The following HHIPL2 variants were observed in gnomAD, a reference collection of about 807,000 sequenced individuals.
HHIPL2 encodes HHIP like 2.
In HHIPL2, 61 loss-of-function variants were observed where a neutral mutation model predicts 61.0. That is an observed-to-expected ratio of 1.00 (90% CI 0.81 to 1.24). The LOEUF is 1.24. HHIPL2 is among the 50% of genes most tolerant of loss of function. HHIPL2 has a pLI of 0.00. For missense variants in HHIPL2, 885 were observed against 910.2 expected (o/e 0.97, Z 0.36); for synonymous variants, 343 against 357.4 (o/e 0.96, Z 0.45).
chr1:222,534,699 G>T (rs1248402224), intron 5 of HHIPL2, among the ~76,000 whole-genome samples: 2 of 113,772 alleles, frequency 1.8e-5, no homozygotes, highest in Admixed American at 1.7e-4. Flanking sequence ...CACACTCAAT[G>T]GAATGAATGG....
At chr1:222,529,016 T>C (rs12042675) in intron 6 of HHIPL2, among the ~76,000 whole-genome samples, 67,257 of 151,542 alleles carry the variant, frequency 0.44, 16,143 homozygotes, top group African/African-American at 0.64. Flanking sequence ...GAGACGGGGT[T>C]TCCCTATGTT....
At chr1:222,528,282 C>T (rs559548862) in intron 6 of HHIPL2, among the ~76,000 whole-genome samples, 65 of 152,282 alleles carry the variant, frequency 4.3e-4, no homozygotes, top group African/African-American at 1.5e-3. Context: ...CACAATGCCT[C>T]AAGTGATTGT....
rs1246937215 is a variant in HHIPL2, at chr1:222,547,948, A to G, written c.97T>C (p.Leu33=). The change falls in exon 1 of 9, where the codon TTG becomes CTG. Residue 33 remains leucine (L), a synonymous_variant. Transcript: ENST00000343410. Reference sequence around the variant, plus strand: ...CCCTGCAGCAAGCCCACCTGGCCCAACAAGAATATGAGGCAGAGGCAGAGA... The same window carrying G: ...CCCTGCAGCAAGCCCACCTGGCCCAGCAAGAATATGAGGCAGAGGCAGAGA... The part of the protein sequence containing the change: ...GILCLCLIFL[L]GQVGLLQGHP... 2.5e-6 allele frequency: 4 copies of G among 1,612,962 alleles called. 1 individual carries two copies. The highest frequency in any genetic ancestry group is 3.4e-6 in the Non-Finnish European group (4 of 1,179,188).
chr1:222,547,102 T>C (rs1172087475), intron 1 of HHIPL2, among the ~76,000 whole-genome samples: 1 of 152,212 alleles, frequency 6.6e-6, no homozygotes, highest in African/African-American at 2.4e-5. Context: ...AAACGATGCC[T>C]CCCAGGCATG....
At chr1:222,539,902 G>T in intron 4 of HHIPL2, 108 bp downstream of exon 4, 1 of 895,324 alleles carries the variant, frequency 1.1e-6, no homozygotes, top group Non-Finnish European at 1.7e-6. Context: ...CACAAACAAG[G>T]CGTGATTTAA....
chr1:222,544,837 G>A (rs17509914), intron 1 of HHIPL2, among the ~76,000 whole-genome samples: 88,363 of 152,092 alleles, frequency 0.58, 25,990 homozygotes, highest in East Asian at 0.66. Context: ...GAAAAATAAA[G>A]TTATCAGAAT....
chr1:222,541,318 C>T (rs1231862723), intron 3 of HHIPL2, among the ~76,000 whole-genome samples: 1 of 152,188 alleles, frequency 6.6e-6, no homozygotes, highest in Non-Finnish European at 1.5e-5. Context: ...GACAGCATCA[C>T]TGGGCTCTGG....
chr1:222,525,544 A>G (rs1659045245), intron 7 of HHIPL2, among the ~76,000 whole-genome samples: 2 of 152,168 alleles, frequency 1.3e-5, no homozygotes, highest in Non-Finnish European at 2.9e-5. Flanking sequence ...GGCCCCCCCA[A>G]GCCCTAACCA....
chr1:222,534,986 C>CT (rs2102615744), intron 5 of HHIPL2, among the ~76,000 whole-genome samples: 1 of 152,136 alleles, frequency 6.6e-6, no homozygotes, highest in Non-Finnish European at 1.5e-5. Context: ...GCAAAAAACT[C>CT]TAAGCACAGA....
chr1:222,532,341 C>G (rs1477750015), intron 5 of HHIPL2, among the ~76,000 whole-genome samples: 1 of 152,152 alleles, frequency 6.6e-6, no homozygotes, highest in African/African-American at 2.4e-5. Context: ...GGACGAGGCC[C>G]AGTGGCTCAC....
rs1169883525 is a variant in HHIPL2 at position 222,537,133 on chromosome 1, G to C, written c.1577+1515C>G. Among the ~76,000 whole-genome samples, 40 of 151,936 alleles carry C rather than the reference G, an allele frequency of 2.6e-4. 1 individual carries two copies. The highest frequency in any genetic ancestry group is 2.6e-3 in the Admixed American group (39 of 15,258). ...TCTAGCAATTTTTAAATCAATCAAT[G>C]AAATTCACCATATTAAGAAACTAAA... is the stretch of plus-strand genomic sequence containing the variant. On this transcript the variant is annotated intron_variant, in intron 5 of 8. Coordinates refer to ENST00000343410, the MANE Select transcript of HHIPL2 (RefSeq NM_024746.4).
intron 5 of HHIPL2, among the ~76,000 whole-genome samples, chr1:222,534,101 A>C (rs1659248578): frequency 6.6e-6 from 1 of 152,254 alleles, no homozygotes; most frequent in Non-Finnish European, 1.5e-5. Flanking sequence ...CACTAGAAAA[A>C]GCACTACCTT....
rs1487506727 is a variant in HHIPL2 at position 222,523,659 on chromosome 1, A to G, written c.1841T>C (p.Val614Ala). Residue 614 changes from valine to alanine, a missense_variant, in exon 8 of 9, where the codon GTG becomes GCG. Physicochemically the swap from Val to Ala is moderately conservative, Grantham distance 64. Transcript: ENST00000343410. ...APPGKCKYKP[V>A]PVRTKSKRIP... The stretch of plus-strand genomic sequence containing the variant: ...CCGCTTACTCTTGGTTCTCACGGGC[A>G]CTGGCTTGTATTTGCACTTGCCTGG... The G allele has an allele frequency of 2.5e-6, 4 of 1,614,084 alleles. No homozygotes were observed. The highest frequency in any genetic ancestry group is 3.4e-6 in the Non-Finnish European group (4 of 1,180,042).
rs1458286910 is a variant in HHIPL2 at position 222,522,761 on chromosome 1, G to A, written c.2015C>T (p.Pro672Leu). ...EKGSSKKLASPTSSKNTLRGP... is the reference protein window; with the variant it reads ...EKGSSKKLASLTSSKNTLRGP... ...TCGCAATGTATTCTTGCTGCTTGTAGGAGAAGCCAGCTTCTTGGAGGAGCC... is the reference window on the plus strand; with the variant it reads ...TCGCAATGTATTCTTGCTGCTTGTAAGAGAAGCCAGCTTCTTGGAGGAGCC... The change falls in exon 9 of 9, where the codon CCT becomes CTT. Residue 672 changes from proline (P) to leucine (L), a missense_variant. By Grantham distance (98) the Pro-to-Leu change is moderately conservative (BLOSUM62 -3). Transcript: ENST00000343410. The A allele has an allele frequency of 1.9e-6, 3 of 1,614,016 alleles. No homozygotes were observed. Among genetic ancestry groups the A allele is most frequent in the Admixed American group, 1.7e-5 (1 of 59,998 alleles).
At chr1:222,524,353 C>G (rs1042111348) in intron 7 of HHIPL2, 3 of 152,284 alleles carry the variant, frequency 2.0e-5, no homozygotes, top group Non-Finnish European at 4.4e-5. Context: ...CTGCCTCTGC[C>G]TTGCTCCAAC....
chr1:222,540,244 C>T lies in HHIPL2; in HGVS notation c.1216G>A (p.Glu406Lys). ...RVPSDNPFVS[E>K]PGAHPAIYAY... ...TAGATGGCGGGGTGGGCCCCTGGCTCAGAAACAAATGGATTGTCCGAGGGG... is the reference window on the plus strand; with the variant it reads ...TAGATGGCGGGGTGGGCCCCTGGCTTAGAAACAAATGGATTGTCCGAGGGG... The change falls in exon 4 of 9, where the codon GAG becomes AAG. Residue 406 changes from glutamate to lysine, a missense_variant. Physicochemically the swap from Glu to Lys is moderately conservative, Grantham distance 56. Coordinates refer to ENST00000343410, the MANE Select transcript of HHIPL2 (RefSeq NM_024746.4). 1 of 1,614,270 alleles carries T rather than the reference C, an allele frequency of 6.2e-7. No individual in the cohort carries two copies. Among genetic ancestry groups the T allele is most frequent in the Non-Finnish European group, 8.5e-7 (1 of 1,180,050 alleles).
intron 1 of HHIPL2, 73 bp from the exon 2 acceptor site, chr1:222,544,262 G>T: frequency 6.7e-7 from 1 of 1,490,600 alleles, no homozygotes; most frequent in Non-Finnish European, 9.0e-7. Context: ...TTTTGAGCAA[G>T]CAGAAAGAAA....
At chr1:222,546,047 A>AAAATAAATAAATAAATAAAT (rs142768169) in intron 1 of HHIPL2, among the ~76,000 whole-genome samples, 70,296 of 140,844 alleles carry the variant, frequency 0.5, 18,095 homozygotes, top group Middle Eastern at 0.61. Context: ...TCTGTCTCAA[A>AAAATAAATAAATAAATAAAT]AAATAAATAA....
Position 222,543,625 on chromosome 1 carries a change from G to A in HHIPL2, c.886C>T (p.Leu296=). 4 of 1,614,104 alleles carry A rather than the reference G, an allele frequency of 2.5e-6. No homozygotes were observed. Among genetic ancestry groups the A allele is most frequent in the Non-Finnish European group, 1.7e-6 (2 of 1,180,030 alleles). The change falls in exon 2 of 9, where the codon CTG becomes TTG. Residue 296 remains leucine, a synonymous_variant. Transcript: ENST00000343410. ...NRKFYIYYSC[L]DKKKVEKIRI... ...ATCTTTTCTACCTTCTTCTTGTCCA[G>A]GCACGAATAATAAATATAGAACTTG... is the stretch of plus-strand genomic sequence containing the variant.
Sources: allele counts gnomAD v4.1 joint callset (sites outside exome capture counted in the v4.1 genomes callset), GRCh38; gene constraint gnomAD v4.1.1; transcripts MANE v1.5; gene names NCBI Gene and HGNC (gene_info 2026-07-23, HGNC 2026-07-21).